Variants in DOCK2 observed in about 807,000 individuals in gnomAD.
The protein encoded by DOCK2 is dedicator of cytokinesis protein 2.
Under a neutral mutation model 248.9 loss-of-function variants are expected in DOCK2, and 87 were observed. That is an observed-to-expected ratio of 0.35 (90% CI 0.29 to 0.42). The LOEUF (loss-of-function observed/expected upper bound fraction) is 0.42. Among genes scored for constraint, DOCK2 ranks in the 10% least tolerant of loss-of-function variants. DOCK2 has a pLI of 1.00. For missense variants in DOCK2, 1,747 were observed against 2,300.2 expected (o/e 0.76, Z 4.92); for synonymous variants, 805 against 821.6 (o/e 0.98, Z 0.35).
At chr5:170,057,512 C>T in intron 43 of DOCK2, 68 bp from the exon 44 acceptor site, 2 of 1,459,916 alleles carry the variant, frequency 1.4e-6, no homozygotes, top group Non-Finnish European at 1.9e-6. Context: ...CCAAGCTTCT[C>T]CGATACCCAG....
At position 170,036,511 on chromosome 5, in the gene DOCK2, C is replaced by T. The variant is rs1223955810; in HGVS notation, c.3625-4C>T. 1.9e-6 allele frequency: 3 copies of T among 1,612,816 alleles called. No homozygotes were observed. In the Admixed American group the frequency reaches 5.0e-5, roughly 27 times the overall value. ...CTCATCATTGTTTTTCCTCCCCTAC[C>T]TAGAATTTCTACAAAGATAACAACA... On this transcript the variant is annotated splice_region_variant and splice_polypyrimidine_tract_variant and intron_variant, in intron 35 of 51. Coordinates refer to ENST00000520908, the MANE Select transcript of DOCK2 (RefSeq NM_004946.3).
chr5:170,034,679 T>C (rs1756261712), intron 35 of DOCK2, 124 bp downstream of exon 35: 3 of 1,354,944 alleles, frequency 2.2e-6, no homozygotes, highest in East Asian at 5.1e-5. Flanking sequence ...AGCAGACAAA[T>C]GTGGAATGGA....
At chr5:169,938,282 AACACAGTCAC>A (rs1485890889) in intron 27 of DOCK2, among the ~76,000 whole-genome samples, 4 of 151,918 alleles carry the variant, frequency 2.6e-5, no homozygotes, top group African/African-American at 4.8e-5. Context: ...TCCGTGTCCA[AACACAGTCAC>A]ACATCACTTA....
Position 170,008,209 on chromosome 5 carries a change from ACAACAACAAC to A in DOCK2, c.3073-287_3073-278del, listed in dbSNP as rs1185640642. 8.6e-3 allele frequency among the ~76,000 whole-genome samples: 566 copies of A among 65,544 alleles called. 27 individuals carry two copies. In the East Asian group the frequency reaches 0.14, roughly 16 times the overall value. The allele number at this position is 65,544 out of a possible 152,430, so 43.0% of individuals were successfully genotyped here. A position where few individuals can be genotyped will look rare whatever the true frequency, so the allele number is the denominator to read the frequency against. On this transcript the variant is annotated intron_variant, in intron 30 of 51. Transcript: ENST00000520908. ...CACAAGGACAAAAACAACAACAACAACAACAACAACAACAACAAAAAAAAAAAAACCTAAA... is the reference window on the plus strand; with the variant it reads ...CACAAGGACAAAAACAACAACAACAAAACAACAAAAAAAAAAAAACCTAAA...
chr5:169,841,252 G>A (rs916009939), intron 27 of DOCK2: 2 of 837,314 alleles, frequency 2.4e-6, no homozygotes, highest in Admixed American at 5.2e-5. Context: ...GTTTCCTAAG[G>A]GGCTTCATTG....
intron 26 of DOCK2, among the ~76,000 whole-genome samples, chr5:169,823,077 T>C (rs923831976): frequency 5.3e-5 from 8 of 152,022 alleles, no homozygotes; most frequent in Non-Finnish European, 1.5e-5. Context: ...CAAGAAGAAG[T>C]TGAATGTCTG....
chr5:169,987,920 C>T (rs1778112498), intron 29 of DOCK2, among the ~76,000 whole-genome samples: 1 of 152,122 alleles, frequency 6.6e-6, no homozygotes, highest in African/African-American at 2.4e-5. Flanking sequence ...GTCATTTAAC[C>T]TCTTGGAGTG....
intron 26 of DOCK2, among the ~76,000 whole-genome samples, chr5:169,838,679 CAG>C (rs1581264887): frequency 6.6e-6 from 1 of 152,156 alleles, no homozygotes; most frequent in Non-Finnish European, 1.5e-5. Context: ...AAGTCTCCAG[CAG>C]AGACTGAAGT....
intron 14 of DOCK2, among the ~76,000 whole-genome samples, chr5:169,707,907 A>C (rs1761363909): frequency 6.6e-6 from 1 of 152,220 alleles, no homozygotes; most frequent in South Asian, 2.1e-4. Context: ...CAGCCACATC[A>C]ATGCCCTGGT....
At chr5:169,999,721 T>C (rs1425312522) in intron 30 of DOCK2, among the ~76,000 whole-genome samples, 1 of 152,222 alleles carries the variant, frequency 6.6e-6, no homozygotes, top group Non-Finnish European at 1.5e-5. Context: ...CCTCCCCCTG[T>C]GTAAGAATGG....
chr5:169,780,333 G>GTGTGGA (rs1554100112), intron 25 of DOCK2, among the ~76,000 whole-genome samples: 3 of 144,986 alleles, frequency 2.1e-5, no homozygotes, highest in Admixed American at 6.7e-5. Context: ...GTGTGTGTGT[G>GTGTGGA]TGTGTGTTGA....
rs75120304 is a variant in DOCK2, at chr5:169,867,696, T to C, written c.2799+26844T>C. On this transcript the variant is annotated intron_variant, in intron 27 of 51. Coordinates refer to ENST00000520908, the MANE Select transcript of DOCK2 (RefSeq NM_004946.3). ...CTATCTATTGATCCCCCCACACACA[T>C]AGATCGCACACATACACACATATAT... Among the ~76,000 whole-genome samples the C allele has an allele frequency of 5.2e-3, 788 of 152,208 alleles. 7 individuals are homozygous for C. Among genetic ancestry groups the C allele is most frequent in the African/African-American group, 0.017 (707 of 41,534 alleles).
chr5:169,944,262 C>A (rs1194372259), intron 27 of DOCK2, among the ~76,000 whole-genome samples: 1 of 152,204 alleles, frequency 6.6e-6, no homozygotes, highest in Non-Finnish European at 1.5e-5. Context: ...TTTCCTGTGA[C>A]CTGCCCATGC....
rs1581162414 is a variant in DOCK2 at position 169,768,040 on chromosome 5, T to C, written c.2554+6415T>C. Among the ~76,000 whole-genome samples, 3 of 152,240 alleles carry C rather than the reference T, an allele frequency of 2.0e-5. No homozygotes were observed. The East Asian group carries it at 5.8e-4, about 29-fold the overall frequency. On this transcript the variant is annotated intron_variant, in intron 25 of 51. Coordinates refer to ENST00000520908, the MANE Select transcript of DOCK2 (RefSeq NM_004946.3). ...ATATGCCTTTTGTCCCTCCTGAAGT[T>C]GTGCCAGCTGGTGCATGTGGCCTCC...
chr5:170,020,222 C>T (rs1013890751), intron 33 of DOCK2, among the ~76,000 whole-genome samples: 1 of 152,168 alleles, frequency 6.6e-6, no homozygotes, highest in Non-Finnish European at 1.5e-5. Flanking sequence ...CTGTGGGTGT[C>T]CTTCGGGCAT....
At chr5:169,950,544 G>A (rs1428671299) in intron 27 of DOCK2, among the ~76,000 whole-genome samples, 3 of 152,192 alleles carry the variant, frequency 2.0e-5, no homozygotes, top group Non-Finnish European at 2.9e-5. Flanking sequence ...TAGCAAAGAA[G>A]TCATTCTCTG....
intron 34 of DOCK2, among the ~76,000 whole-genome samples, chr5:170,033,280 A>G (rs113975826): frequency 0.021 from 3,215 of 152,314 alleles, 49 homozygotes; most frequent in Middle Eastern, 0.041. Flanking sequence ...TCTCTCTACC[A>G]CACAATGCCT....
In DOCK2 at chr5:169,808,594, C is replaced by CA. The variant is rs571314456; in HGVS notation, c.2703+5388_2703+5389insA. Among the ~76,000 whole-genome samples the CA allele has an allele frequency of 1.9e-4, 29 of 152,036 alleles. 1 individual carries two copies. Among genetic ancestry groups the CA allele is most frequent in the East Asian group, 1.7e-3 (9 of 5,170 alleles). ...TCCTCTATTAACTCCTTTTCTCCCCCCTCACTGAGCAAGTTTAGTTGTCAA... is the reference window on the plus strand; with the variant it reads ...TCCTCTATTAACTCCTTTTCTCCCCCACTCACTGAGCAAGTTTAGTTGTCAA... On this transcript the variant is annotated intron_variant, in intron 26 of 51. Coordinates refer to ENST00000520908, the MANE Select transcript of DOCK2 (RefSeq NM_004946.3).
intron 22 of DOCK2, among the ~76,000 whole-genome samples, chr5:169,744,916 A>G (rs893856306): frequency 1.3e-5 from 2 of 152,168 alleles, no homozygotes; most frequent in African/African-American, 4.8e-5. Context: ...CACCACACAC[A>G]CAGGTACACC....
Sources: allele counts gnomAD v4.1 joint callset (sites outside exome capture counted in the v4.1 genomes callset), GRCh38; gene constraint gnomAD v4.1.1; transcripts MANE v1.5; gene names NCBI Gene and HGNC (gene_info 2026-07-23, HGNC 2026-07-21).